Variants in CDH13 observed in about 807,000 individuals in gnomAD.
CDH13 encodes cadherin 13.
In CDH13, 24 loss-of-function variants were observed where a neutral mutation model predicts 63.8. That is an observed-to-expected ratio of 0.38 (90% CI 0.27 to 0.53). CDH13 has a LOEUF of 0.53. Among genes scored for constraint, CDH13 ranks in the 20% least tolerant of loss-of-function variants. CDH13 has a pLI of 0.85. For missense variants in CDH13, 1,049 were observed against 903.1 expected (o/e 1.16, Z -2.07); for synonymous variants, 503 against 355.3 (o/e 1.42, Z -4.67).
intron 6 of CDH13, among the ~76,000 whole-genome samples, chr16:83,458,963 A>T (rs1049586812): frequency 6.6e-6 from 1 of 152,260 alleles, no homozygotes; most frequent in African/African-American, 2.4e-5. Context: ...CTATTTACAG[A>T]TGATGAAACG....
At chr16:83,787,560 C>T (rs887011266) in intron 13 of CDH13, among the ~76,000 whole-genome samples, 8 of 152,200 alleles carry the variant, frequency 5.3e-5, no homozygotes, top group Admixed American at 4.6e-4. Flanking sequence ...AAGAGATCTA[C>T]GTTTTCCACC....
At chr16:83,582,406 G>T (rs573345186) in intron 7 of CDH13, among the ~76,000 whole-genome samples, 1 of 152,020 alleles carries the variant, frequency 6.6e-6, no homozygotes, top group Non-Finnish European at 1.5e-5. Context: ...GTTTTGAGGG[G>T]TCTTTTGTTT....
At chr16:83,592,250 A>T (rs575742203) in intron 7 of CDH13, among the ~76,000 whole-genome samples, 4 of 152,148 alleles carry the variant, frequency 2.6e-5, no homozygotes, top group Non-Finnish European at 5.9e-5. Context: ...TTTCCTGAGC[A>T]CCCCACATTC....
At chr16:83,463,813 G>A (rs1474807784) in intron 6 of CDH13, among the ~76,000 whole-genome samples, 1 of 152,064 alleles carries the variant, frequency 6.6e-6, no homozygotes, top group Non-Finnish European at 1.5e-5. Context: ...TCCAAAAAAA[G>A]CAAAGAAAGT....
At chr16:83,337,645 T>C (rs2151908723) in intron 5 of CDH13, among the ~76,000 whole-genome samples, 1 of 144,032 alleles carries the variant, frequency 6.9e-6, no homozygotes, top group East Asian at 2.0e-4. Flanking sequence ...TTTTTTTTTT[T>C]TTTTTGCTTT....
At chr16:83,223,510 C>T (rs2039758569) in intron 5 of CDH13, among the ~76,000 whole-genome samples, 1 of 152,206 alleles carries the variant, frequency 6.6e-6, no homozygotes, top group Non-Finnish European at 1.5e-5. Context: ...GAGTCAAGGT[C>T]GCTGCTGGCT....
intron 4 of CDH13, among the ~76,000 whole-genome samples, chr16:83,131,018 A>G (rs1005363381): frequency 6.6e-6 from 1 of 152,212 alleles, no homozygotes; most frequent in Non-Finnish European, 1.5e-5. Flanking sequence ...TGACTGATAC[A>G]TAATTTATCT....
intron 1 of CDH13, chr16:82,825,750 T>C (rs539140846): frequency 5.3e-5 from 8 of 152,258 alleles, no homozygotes; most frequent in African/African-American, 1.9e-4. Flanking sequence ...TTTCACCATG[T>C]TGGCCAGGAT....
At chr16:82,685,076 G>T (rs1468354708) in intron 1 of CDH13, among the ~76,000 whole-genome samples, 1 of 152,226 alleles carries the variant, frequency 6.6e-6, no homozygotes. Flanking sequence ...TCAGTGCGCA[G>T]ACATTGCCAG....
At chr16:82,965,467 T>C (rs1385336054) in intron 2 of CDH13, among the ~76,000 whole-genome samples, 1 of 152,266 alleles carries the variant, frequency 6.6e-6, no homozygotes, top group Non-Finnish European at 1.5e-5. Flanking sequence ...ATTTTTCAAA[T>C]ATTCCATTGC....
intron 1 of CDH13, among the ~76,000 whole-genome samples, chr16:82,694,113 A>G (rs1194251740): frequency 1.3e-5 from 2 of 152,248 alleles, no homozygotes; most frequent in African/African-American, 4.8e-5. Flanking sequence ...TAGGTACTCA[A>G]TAATTCTGTC....
At chr16:83,771,223 C>T (rs142831830) in intron 11 of CDH13, among the ~76,000 whole-genome samples, 2 of 152,112 alleles carry the variant, frequency 1.3e-5, no homozygotes, top group African/African-American at 4.8e-5. Flanking sequence ...ACAGTTCTGC[C>T]CTCCCTACAC....
intron 4 of CDH13, among the ~76,000 whole-genome samples, chr16:83,160,494 G>A (rs960144607): frequency 1.3e-5 from 2 of 152,148 alleles, no homozygotes; most frequent in African/African-American, 4.8e-5. Context: ...CTGCATTTTT[G>A]TGAATGTCAG....
At chr16:83,457,033 G>A (rs908796411) in intron 6 of CDH13, among the ~76,000 whole-genome samples, 6 of 152,148 alleles carry the variant, frequency 3.9e-5, no homozygotes, top group African/African-American at 1.4e-4. Flanking sequence ...CAAGAGGCAG[G>A]TTACTAGGGG....
chr16:83,594,965 A>G (rs943095028), intron 7 of CDH13, among the ~76,000 whole-genome samples: 4 of 152,212 alleles, frequency 2.6e-5, no homozygotes, highest in African/African-American at 9.7e-5. Context: ...TCTTGCAGAC[A>G]TACCATCTTG....
chr16:82,778,144 G>A (rs948789206), intron 1 of CDH13, among the ~76,000 whole-genome samples: 5 of 152,112 alleles, frequency 3.3e-5, no homozygotes, highest in East Asian at 1.9e-4. Flanking sequence ...TACAAGAACC[G>A]TGATTATTTT....
intron 2 of CDH13, chr16:82,990,157 G>T (rs774847610): frequency 1.3e-5 from 2 of 151,752 alleles, no homozygotes; most frequent in African/African-American, 2.4e-5. Flanking sequence ...AATCTGTTGC[G>T]TCTAGAAGTC....
At chr16:83,286,562 C>T (rs1336231164) in intron 5 of CDH13, among the ~76,000 whole-genome samples, 1 of 151,920 alleles carries the variant, frequency 6.6e-6, no homozygotes, top group Admixed American at 6.6e-5. Context: ...TCAAGACCAG[C>T]CTTGGCAACA....
At chr16:83,676,153 G>C (rs1240956134) in intron 9 of CDH13, among the ~76,000 whole-genome samples, 1 of 152,226 alleles carries the variant, frequency 6.6e-6, no homozygotes, top group Admixed American at 6.5e-5. Context: ...AAAAGGAGCT[G>C]AGCGGCACAA....
Sources: allele counts gnomAD v4.1 joint callset (sites outside exome capture counted in the v4.1 genomes callset), GRCh38; gene constraint gnomAD v4.1.1; transcripts MANE v1.5; gene names NCBI Gene and HGNC (gene_info 2026-07-23, HGNC 2026-07-21).